Variants in KLRC1 observed in about 807,000 individuals in gnomAD.
KLRC1 encodes killer cell lectin like receptor C1.
In KLRC1, 22 loss-of-function variants were observed where a neutral mutation model predicts 25.9. The observed-to-expected ratio is 0.85, with a 90% CI of 0.61 to 1.21. The LOEUF (loss-of-function observed/expected upper bound fraction) is 1.21, where lower values mean the gene tolerates loss of function less well. Ranked by LOEUF, KLRC1 falls within the 50% of genes most tolerant of loss-of-function variation. The pLI is 0.00. For missense variants in KLRC1, 240 were observed against 272.2 expected, an observed-to-expected ratio of 0.88 and a Z score of 0.83; for synonymous variants, 77 against 93.1, an observed-to-expected ratio of 0.83 and a Z score of 0.99.
At position 10,449,609 on chromosome 12, in the gene KLRC1, C is replaced by T. The variant is rs549882997; in HGVS notation, c.338-221G>A. Reference sequence around the variant, plus strand: ...TAATTGTGTTCCCATATAAAGCAAACCAGCAAACAAAAATCCACTCTATAC... The same window carrying T: ...TAATTGTGTTCCCATATAAAGCAAATCAGCAAACAAAAATCCACTCTATAC... On this transcript the variant is annotated intron_variant, in intron 4 of 6. Coordinates refer to ENST00000359151, the MANE Select transcript of KLRC1 (RefSeq NM_002259.5). 5.9e-5 allele frequency among the ~76,000 whole-genome samples: 9 copies of T among 152,096 alleles called. No individual in the cohort carries two copies. The South Asian group carries it at 8.3e-4, about 14-fold the overall frequency.
At chr12:10,448,501 G>T (rs1010749810) in intron 5 of KLRC1, among the ~76,000 whole-genome samples, 1 of 152,158 alleles carries the variant, frequency 6.6e-6, no homozygotes, top group Admixed American at 6.5e-5. Flanking sequence ...CATACCAAGA[G>T]ACACCAGAGT....
chr12:10,450,041 G>T, intron 3 of KLRC1, 74 bp from the exon 4 acceptor site: 2 of 1,153,772 alleles, frequency 1.7e-6, no homozygotes, highest in South Asian at 2.0e-5. Context: ...GTTTTTGTTT[G>T]AATTTTTTTG....
rs779674755 is a variant in KLRC1, at chr12:10,450,532, T to C, written c.235A>G (p.Ile79Val). 1 of 1,611,990 alleles carries C rather than the reference T, an allele frequency of 6.2e-7. No homozygotes were observed. The change falls in exon 3 of 7, where the codon ATC becomes GTC. Residue 79 changes from isoleucine (I) to valine (V), a missense_variant. Physicochemically the swap from Ile to Val is conservative, Grantham distance 29 (BLOSUM62 3). Transcript: ENST00000359151. ...EKLIVGILGI[I>V]CLILMASVVT... is the part of the protein sequence containing the mutation. ...ACAGAGGCCATTAAGATAAGACAGATAATTCCCAGGATCCCAACAATGAGC... is the reference window on the plus strand; with the variant it reads ...ACAGAGGCCATTAAGATAAGACAGACAATTCCCAGGATCCCAACAATGAGC...
downstream of KLRC1, among the ~76,000 whole-genome samples, chr12:10,445,751 G>A (rs1349347953): frequency 6.6e-6 from 1 of 152,066 alleles, no homozygotes; most frequent in African/African-American, 2.4e-5. Context: ...AAATCAAAAT[G>A]CAGACATCAG....
upstream of KLRC1, chr12:10,454,550 T>G (rs769799595): frequency 1.0e-6 from 1 of 962,230 alleles, no homozygotes; most frequent in Non-Finnish European, 1.2e-6. Context: ...CAGCCACAAC[T>G]TGAGATCAGT....
chr12:10,450,666 A>G, intron 2 of KLRC1, 87 bp from the exon 3 acceptor site: 1 of 837,794 alleles, frequency 1.2e-6, no homozygotes, highest in East Asian at 2.5e-5. Flanking sequence ...CTGAATGCAC[A>G]GGAATCATAC....
At chr12:10,454,267 A>T (rs1864173389), upstream of KLRC1, 3 of 152,270 alleles carry the variant, frequency 2.0e-5, no homozygotes, top group Admixed American at 2.0e-4. Flanking sequence ...GTAAAATGCC[A>T]GTGGAACCCA....
chr12:10,449,101 T>C, intron 5 of KLRC1, 136 bp downstream of exon 5: 1 of 1,127,582 alleles, frequency 8.9e-7, no homozygotes, highest in Non-Finnish European at 1.3e-6. Flanking sequence ...CATTATTAAG[T>C]CAATCAATTA....
intron 2 of KLRC1, 46 bp downstream of exon 2, chr12:10,450,924 C>T (rs189179312): frequency 7.2e-7 from 1 of 1,391,178 alleles, no homozygotes; most frequent in Non-Finnish European, 9.9e-7. Context: ...GTACCCCAAG[C>T]TGCACATCCT....
chr12:10,447,020 A>C (rs1180169319), intron 6 of KLRC1, among the ~76,000 whole-genome samples: 1 of 152,232 alleles, frequency 6.6e-6, no homozygotes, highest in African/African-American at 2.4e-5. Flanking sequence ...TGCCAACAGC[A>C]CTACTCTTGT....
intron 5 of KLRC1, among the ~76,000 whole-genome samples, chr12:10,448,109 C>G (rs2137890902): frequency 6.6e-6 from 1 of 152,228 alleles, no homozygotes; most frequent in East Asian, 1.9e-4. Context: ...AACAGTGATC[C>G]TGACCAGGTG....
chr12:10,444,914 A>ATT (rs748521358), downstream of KLRC1, among the ~76,000 whole-genome samples: 147 of 89,106 alleles, frequency 1.6e-3, no homozygotes, highest in Non-Finnish European at 2.3e-3. Context: ...ATATGCACTA[A>ATT]TTTTTTTTTT....
At chr12:10,447,346 G>A in intron 6 of KLRC1, 186 bp downstream of exon 6, 1 of 492,674 alleles carries the variant, frequency 2.0e-6, no homozygotes, top group East Asian at 3.3e-5. Context: ...AAGGTTACTA[G>A]CTGACCAATG....
At chr12:10,443,647 T>C (rs1863939553), downstream of KLRC1, among the ~76,000 whole-genome samples, 1 of 141,814 alleles carries the variant, frequency 7.1e-6, no homozygotes, top group African/African-American at 2.7e-5. Flanking sequence ...ACTAGACACG[T>C]AGTTATCACT....
intron 6 of KLRC1, 32 bp downstream of exon 6, chr12:10,447,500 A>ATT (rs1157009079): frequency 6.9e-7 from 1 of 1,450,388 alleles, no homozygotes; most frequent in Middle Eastern, 1.8e-4. Flanking sequence ...TTATATATAT[A>ATT]TTGTTATATA....
Position 10,446,557 on chromosome 12 carries a change from C to T in KLRC1, c.696G>A (p.Lys232=), listed in dbSNP as rs1436508358. 6.2e-7 allele frequency: 1 copy of T among 1,613,464 alleles called. No individual in the cohort carries two copies. Among genetic ancestry groups the T allele is most frequent in the Non-Finnish European group, 8.5e-7 (1 of 1,179,672 alleles). Residue 232 remains lysine, a synonymous_variant, in exon 7 of 7, where the codon AAG becomes AAA. Transcript: ENST00000359151. ...AAATGCAAACGCTTTACCTCTAAAG[C>T]TTATGCTTACAATGATATATTATTG... ...GSSIIYHCKH[K]L is the part of the protein sequence containing the mutation.
chr12:10,450,501 G>T lies in KLRC1; in HGVS notation c.266C>A (p.Thr89Lys), dbSNP rs765817840. The T allele has an allele frequency of 1.3e-6, 2 of 1,599,646 alleles. No individual in the cohort carries two copies. Among genetic ancestry groups the T allele is most frequent in the South Asian group, 1.1e-5 (1 of 90,618 alleles). ...AGACTTACAGGGAATAACAACTATC[G>T]TTACCACAGAGGCCATTAAGATAAG... Reference protein sequence around the residue: ...ICLILMASVVTIVVIPSTLIQ... With the variant: ...ICLILMASVVKIVVIPSTLIQ... The change falls in exon 3 of 7, where the codon ACG becomes AAG. Residue 89 changes from threonine (T) to lysine (K), a missense_variant. Coordinates refer to ENST00000359151, the MANE Select transcript of KLRC1 (RefSeq NM_002259.5).
intron 1 of KLRC1, among the ~76,000 whole-genome samples, chr12:10,451,585 G>A (rs918439216): frequency 2.6e-5 from 4 of 152,082 alleles, no homozygotes; most frequent in African/African-American, 9.6e-5. Flanking sequence ...GAACATGGGC[G>A]GCAGAGGTTG....
At chr12:10,453,414 T>C (rs1368956557), upstream of KLRC1, 1 of 967,212 alleles carries the variant, frequency 1.0e-6, no homozygotes, top group Non-Finnish European at 1.2e-6. Context: ...TACTAAGGTT[T>C]GAACAGGAAA....
Sources: gnomAD v4.1 joint callset for allele counts (sites outside exome capture counted in the v4.1 genomes callset) on GRCh38, gnomAD v4.1.1 for gene constraint, MANE v1.5 for transcripts, NCBI Gene and HGNC (gene_info 2026-07-23, HGNC 2026-07-21) for gene names.